COG5: variants seen among roughly 807,000 people sequenced by gnomAD.
COG5 encodes conserved oligomeric Golgi complex subunit 5.
A neutral mutation model predicts 110.4 loss-of-function variants in COG5; 86 were observed. The ratio of observed to expected loss-of-function variants is 0.78; its 90% CI spans 0.65 to 0.93. COG5 has a LOEUF of 0.93. Ranked by LOEUF, COG5 falls within the 40% of genes least tolerant of loss-of-function variation. The pLI, the probability that COG5 is intolerant of heterozygous loss-of-function variation, is 0.00. For synonymous variants in COG5, 360 were observed against 334.6 expected, an observed-to-expected ratio of 1.08 and a Z score of -0.83; for missense variants, 1,077 against 987.0, an observed-to-expected ratio of 1.09 and a Z score of -1.22.
At chr7:107,230,758 G>A (rs1800719274) in intron 18 of COG5, 67 bp from the exon 19 acceptor site, 16 of 1,249,924 alleles carry the variant, frequency 1.3e-5, no homozygotes, top group South Asian at 2.4e-5. Context: ...GGAAAGACCC[G>A]GATCACAGAA....
intron 6 of COG5, among the ~76,000 whole-genome samples, chr7:107,419,003 G>A (rs1261628206): frequency 3.9e-5 from 6 of 152,266 alleles, no homozygotes; most frequent in Middle Eastern, 3.4e-3. Flanking sequence ...TTGAACTCCT[G>A]AACTCAGGTG....
intron 6 of COG5, among the ~76,000 whole-genome samples, chr7:107,430,996 C>CA (rs746919641): frequency 1.3e-5 from 2 of 151,502 alleles, no homozygotes; most frequent in South Asian, 2.1e-4. Context: ...CTCCAAAAAC[C>CA]AAAAAAACAA....
rs578159558 is a variant in COG5 at position 107,373,807 on chromosome 7, A to C, written c.670-1047T>G. On this transcript the variant is annotated intron_variant, in intron 7 of 21. Coordinates refer to ENST00000297135, the MANE Select transcript of COG5 (RefSeq NM_006348.5). Reference sequence around the variant, plus strand: ...TCTCACGCATTAGTAAGTGTCTGTTATCAGAGACACATGGTTAAAATGTTA... The same window carrying C: ...TCTCACGCATTAGTAAGTGTCTGTTCTCAGAGACACATGGTTAAAATGTTA... Among the ~76,000 whole-genome samples, 21 of 152,300 alleles carry C rather than the reference A, an allele frequency of 1.4e-4. No individual in the cohort carries two copies. The East Asian group carries it at 4.0e-3, about 29-fold the overall frequency.
chr7:107,217,510 T>C (rs1799611961), intron 19 of COG5, among the ~76,000 whole-genome samples: 1 of 152,066 alleles, frequency 6.6e-6, no homozygotes, highest in East Asian at 1.9e-4. Context: ...CAAATCCAAT[T>C]CTACGGCACA....
intron 7 of COG5, among the ~76,000 whole-genome samples, chr7:107,401,832 G>A (rs1791454084): frequency 6.6e-6 from 1 of 152,160 alleles, no homozygotes; most frequent in Admixed American, 6.5e-5. Context: ...ATAAGGGAAG[G>A]AAAACATCCC....
intron 13 of COG5, among the ~76,000 whole-genome samples, chr7:107,283,366 C>T (rs922757397): frequency 6.6e-6 from 1 of 152,088 alleles, no homozygotes; most frequent in Non-Finnish European, 1.5e-5. Flanking sequence ...TGTTTTTAGA[C>T]TATATTTAAG....
chr7:107,280,020 T>C (rs1805039069), intron 14 of COG5, among the ~76,000 whole-genome samples: 1 of 152,102 alleles, frequency 6.6e-6, no homozygotes. Context: ...TGGATCTTTC[T>C]TACAGTGTTA....
At chr7:107,502,829 A>G (rs780229636) in intron 6 of COG5, among the ~76,000 whole-genome samples, 2 of 152,032 alleles carry the variant, frequency 1.3e-5, no homozygotes, top group African/African-American at 4.8e-5. Context: ...AGAAATGTCT[A>G]TTCATGTCAT....
chr7:107,215,167 A>G (rs1294144473), intron 19 of COG5, among the ~76,000 whole-genome samples: 3 of 152,192 alleles, frequency 2.0e-5, no homozygotes, highest in Admixed American at 2.0e-4. Context: ...CAAAACATAC[A>G]TAGAAAGAAT....
chr7:107,436,917 A>AT lies in COG5; in HGVS notation c.539-24286dup, dbSNP rs769362774. 1.8e-4 allele frequency among the ~76,000 whole-genome samples: 28 copies of AT among 152,288 alleles called. No homozygotes were observed. In the South Asian group the frequency reaches 2.1e-3, roughly 11 times the overall value. On this transcript the variant is annotated intron_variant, in intron 6 of 21. Transcript: ENST00000297135. ...TATTTATAAAGCAAATATAACCCTG[A>AT]TTCGTCTTTTCAAAGAAGTCAATGT...
chr7:107,539,371 A>T (rs1440713850), intron 5 of COG5, among the ~76,000 whole-genome samples: 1 of 152,246 alleles, frequency 6.6e-6, no homozygotes, highest in Non-Finnish European at 1.5e-5. Context: ...ATGACATTAA[A>T]TAAGAACTTA....
chr7:107,248,570 T>G (rs763172007), intron 16 of COG5, 71 bp from the exon 17 acceptor site: 64 of 991,608 alleles, frequency 6.5e-5, no homozygotes, highest in Admixed American at 3.6e-4. Flanking sequence ...AAATTTGAGA[T>G]GTGAGAAACA....
chr7:107,203,427 T>C lies in COG5; in HGVS notation c.*89A>G, dbSNP rs1798504316. On this transcript the variant is annotated 3_prime_UTR_variant, in exon 22 of 22. Coordinates refer to ENST00000297135, the MANE Select transcript of COG5 (RefSeq NM_006348.5). ...ACAATCAATTACATTCTTAAAATAG[T>C]AGATAGTAGCAGTCTTTTGGAGTAT... is the stretch of plus-strand genomic sequence containing the variant. 2 of 845,170 alleles carry C rather than the reference T, an allele frequency of 2.4e-6. No homozygotes were observed. The highest frequency in any genetic ancestry group is 4.1e-6 in the Non-Finnish European group (2 of 483,760). 52.4% of individuals were successfully genotyped at this position (845,170 alleles called of 1,614,324 possible). A position where few individuals can be genotyped will look rare whatever the true frequency, so the allele number is the denominator to read the frequency against.
intron 12 of COG5, among the ~76,000 whole-genome samples, chr7:107,286,263 T>C (rs1312112169): frequency 1.3e-5 from 2 of 152,226 alleles, no homozygotes; most frequent in East Asian, 3.9e-4. Context: ...ATGGACGTCA[T>C]GTTAGGCTTT....
chr7:107,489,305 C>T (rs1328301620), intron 6 of COG5, among the ~76,000 whole-genome samples: 1 of 152,124 alleles, frequency 6.6e-6, no homozygotes, highest in African/African-American at 2.4e-5. Context: ...AAATCTCAAA[C>T]CAATCTCATA....
chr7:107,392,314 G>A (rs771828545), intron 7 of COG5, among the ~76,000 whole-genome samples: 1 of 151,952 alleles, frequency 6.6e-6, no homozygotes, highest in African/African-American at 2.4e-5. Flanking sequence ...TATGAACCAG[G>A]CATTATGTTA....
intron 6 of COG5, among the ~76,000 whole-genome samples, chr7:107,489,460 A>C (rs1797856143): frequency 1.3e-5 from 2 of 152,148 alleles, no homozygotes; most frequent in African/African-American, 4.8e-5. Context: ...AACCCTACCC[A>C]AATTTTACTG....
At position 107,324,477 on chromosome 7, in the gene COG5, A is replaced by G. The variant is rs773266850; in HGVS notation, c.1071T>C (p.Thr357=). The change falls in exon 11 of 22, where the codon ACT becomes ACC. Residue 357 remains threonine, a synonymous_variant. Transcript: ENST00000297135. ...EIFYTFWNSV[T]QALSSQFHMA... ...TATGAAATTGAGAAGAAAGTGCCTG[A>G]GTAACTGAATTCCAAAATGTGTAGA... is the stretch of plus-strand genomic sequence containing the variant. 1.2e-5 allele frequency: 19 copies of G among 1,606,496 alleles called. No homozygotes were observed. The highest frequency in any genetic ancestry group is 4.5e-5 in the South Asian group (4 of 89,038).
chr7:107,532,533 A>G (rs1801287668), intron 5 of COG5, among the ~76,000 whole-genome samples: 1 of 152,204 alleles, frequency 6.6e-6, no homozygotes, highest in Non-Finnish European at 1.5e-5. Context: ...ATGCACAAAT[A>G]TATATATACA....
Sources: gnomAD v4.1 joint callset for allele counts (sites outside exome capture counted in the v4.1 genomes callset) on GRCh38, gnomAD v4.1.1 for gene constraint, MANE v1.5 for transcripts, NCBI Gene and HGNC (gene_info 2026-07-23, HGNC 2026-07-21) for gene names.